PTK2: variants seen among roughly 807,000 people sequenced by gnomAD.
The protein encoded by PTK2 is focal adhesion kinase 1.
Under a neutral mutation model 150.1 loss-of-function variants are expected in PTK2, and 45 were observed. The observed-to-expected ratio is 0.30, with a 90% CI of 0.24 to 0.38. The LOEUF is 0.38. Among genes scored for constraint, PTK2 ranks in the 10% least tolerant of loss-of-function variants. PTK2 has a pLI of 1.00. For missense variants in PTK2, 919 were observed against 1,307.3 expected, an observed-to-expected ratio of 0.70 and a Z score of 4.58; for synonymous variants, 432 against 449.2, an observed-to-expected ratio of 0.96 and a Z score of 0.48.
intron 2 of PTK2, among the ~76,000 whole-genome samples, chr8:140,910,768 T>C (rs1016998148): frequency 5.3e-5 from 8 of 152,168 alleles, no homozygotes; most frequent in Admixed American, 5.2e-4. Context: ...TTGGCCTGAA[T>C]TGCCCCATTC....
intron 1 of PTK2, among the ~76,000 whole-genome samples, chr8:140,926,152 T>C (rs1004626364): frequency 9.9e-5 from 15 of 152,252 alleles, no homozygotes; most frequent in African/African-American, 3.6e-4. Flanking sequence ...GTCCATGTAC[T>C]TCACCAATTT....
chr8:140,702,876 G>A (rs555397562), intron 24 of PTK2, among the ~76,000 whole-genome samples, 169 bp from the exon 28 acceptor site: 3 of 152,294 alleles, frequency 2.0e-5, no homozygotes, highest in Non-Finnish European at 2.9e-5. Context: ...GTTTCCTTAC[G>A]TGGCAAAAGA....
At chr8:140,890,344 T>C (rs768051753) in intron 3 of PTK2, 199 bp downstream of exon 3, 4 of 483,382 alleles carry the variant, frequency 8.3e-6, no homozygotes, top group Non-Finnish European at 1.4e-5. Flanking sequence ...TCATTATTTT[T>C]CTAAGAAACT....
chr8:140,720,540 C>G (rs2154291560), intron 22 of PTK2, among the ~76,000 whole-genome samples: 1 of 152,278 alleles, frequency 6.6e-6, no homozygotes, highest in South Asian at 2.1e-4. Flanking sequence ...CTCTGTCCCT[C>G]CAAGCCTCAT....
At chr8:140,794,838 C>T (rs530279971) in intron 12 of PTK2, among the ~76,000 whole-genome samples, 2 of 152,254 alleles carry the variant, frequency 1.3e-5, no homozygotes, top group African/African-American at 2.4e-5. Context: ...GCTCCAAATG[C>T]ATACCTCTAG....
intron 1 of PTK2, among the ~76,000 whole-genome samples, chr8:140,985,293 T>G (rs940851276): frequency 4.6e-5 from 7 of 151,844 alleles, no homozygotes; most frequent in Non-Finnish European, 1.0e-4. Flanking sequence ...CCAACTAATT[T>G]TGTTAAATTT....
At chr8:140,661,234 T>G (rs2079399360) in intron 31 of PTK2, among the ~76,000 whole-genome samples, 1 of 152,114 alleles carries the variant, frequency 6.6e-6, no homozygotes, top group Admixed American at 6.5e-5. Context: ...AGAGAGATAT[T>G]CTAGAAAGAT....
intron 10 of PTK2, among the ~76,000 whole-genome samples, chr8:140,816,812 A>G (rs1036906208): frequency 3.9e-5 from 6 of 152,238 alleles, no homozygotes; most frequent in Non-Finnish European, 8.8e-5. Flanking sequence ...CTGCCATCCA[A>G]TGAGTGCGAA....
intron 29 of PTK2, among the ~76,000 whole-genome samples, chr8:140,671,856 C>T (rs371031381): frequency 1.3e-3 from 196 of 147,602 alleles, no homozygotes; most frequent in African/African-American, 4.6e-3. Context: ...GGCGTGAACC[C>T]GGGAGGCGGA....
intron 14 of PTK2, among the ~76,000 whole-genome samples, chr8:140,778,279 A>G (rs1032778182): frequency 2.6e-5 from 4 of 152,172 alleles, no homozygotes; most frequent in East Asian, 1.9e-4. Context: ...ACCAGCTAAC[A>G]TGGAGAAATA....
intron 9 of PTK2, 80 bp downstream of exon 9, chr8:140,818,800 T>C: frequency 6.9e-7 from 1 of 1,440,216 alleles, no homozygotes; most frequent in Non-Finnish European, 9.4e-7. Flanking sequence ...CATTTTTTCA[T>C]CAGAAATTTA....
Position 140,935,473 on chromosome 8 carries a change from T to C in PTK2, c.-121-9724A>G, listed in dbSNP as rs1022100767. Among the ~76,000 whole-genome samples, 6 of 152,078 alleles carry C rather than the reference T, an allele frequency of 3.9e-5. No individual in the cohort carries two copies. The East Asian group carries it at 1.2e-3, about 29-fold the overall frequency. Reference sequence around the variant, plus strand: ...CTCTGGCCTCAGGACCCATCAACTGTAGACAGGTCCTCCCAGAAGAAAGTT... The same window carrying C: ...CTCTGGCCTCAGGACCCATCAACTGCAGACAGGTCCTCCCAGAAGAAAGTT... On this transcript the variant is annotated intron_variant, in intron 1 of 31. Coordinates refer to ENST00000522684, the Ensembl canonical transcript of PTK2.
chr8:140,849,804 T>C (rs2100128018), intron 5 of PTK2, among the ~76,000 whole-genome samples: 1 of 152,238 alleles, frequency 6.6e-6, no homozygotes, highest in Non-Finnish European at 1.5e-5. Context: ...TCAGAAAACT[T>C]AACTTCGTGT....
intron 7 of PTK2, among the ~76,000 whole-genome samples, chr8:140,831,599 T>C (rs2100115436): frequency 6.6e-6 from 1 of 152,220 alleles, no homozygotes; most frequent in South Asian, 2.1e-4. Context: ...GAATTCCTCC[T>C]CTGGTAAATT....
chr8:140,793,264 A>T (rs2100089593), intron 13 of PTK2, 90 bp downstream of exon 13: 16 of 1,428,578 alleles, frequency 1.1e-5, no homozygotes, highest in Admixed American at 6.7e-5. Flanking sequence ...ATTGAATTTA[A>T]TTTTTTTAGG....
intron 8 of PTK2, chr8:140,821,598 G>T (rs1019440884): frequency 6.6e-6 from 1 of 152,274 alleles, no homozygotes; most frequent in African/African-American, 2.4e-5. Context: ...TGGAGCTCAG[G>T]AGAGGGCAGC....
At chr8:140,886,610 C>G (rs1323139582) in intron 3 of PTK2, among the ~76,000 whole-genome samples, 5 of 152,170 alleles carry the variant, frequency 3.3e-5, no homozygotes, top group Admixed American at 3.3e-4. Context: ...ATGGGCTCAA[C>G]TTTTTTCCAC....
intron 14 of PTK2, among the ~76,000 whole-genome samples, chr8:140,782,057 G>C (rs1420922410): frequency 6.6e-6 from 1 of 152,102 alleles, no homozygotes; most frequent in African/African-American, 2.4e-5. Context: ...CAGTGGTTTG[G>C]AGTCTCTCCT....
chr8:140,979,402 TAA>T (rs796130568), intron 1 of PTK2, among the ~76,000 whole-genome samples: 13 of 125,082 alleles, frequency 1.0e-4, no homozygotes, highest in Admixed American at 1.6e-4. Context: ...ACAAGTCAAT[TAA>T]AAAAAAAAAA....
Sources: gnomAD v4.1 joint callset for allele counts (sites outside exome capture counted in the v4.1 genomes callset) on GRCh38, gnomAD v4.1.1 for gene constraint, MANE v1.5 for transcripts, NCBI Gene and HGNC (gene_info 2026-07-23, HGNC 2026-07-21) for gene names.